The following FAF1 variants were observed in gnomAD, a reference collection of about 807,000 sequenced individuals.
The protein encoded by FAF1 is FAS-associated factor 1.
Under a neutral mutation model 92.5 loss-of-function variants are expected in FAF1, and 25 were observed. The ratio of observed to expected loss-of-function variants is 0.27; its 90% CI spans 0.20 to 0.38. FAF1 has a LOEUF of 0.38. Among genes scored for constraint, FAF1 ranks in the 10% least tolerant of loss-of-function variants. FAF1 has a pLI of 1.00. For missense variants in FAF1, 636 were observed against 793.3 expected (o/e 0.80, Z 2.38); for synonymous variants, 234 against 273.2 (o/e 0.86, Z 1.42).
At chr1:50,674,888 T>G (rs952910458) in intron 7 of FAF1, among the ~76,000 whole-genome samples, 5 of 151,510 alleles carry the variant, frequency 3.3e-5, no homozygotes, top group Admixed American at 1.3e-4. Flanking sequence ...TTTTATTTTA[T>G]TTTATTTTAT....
At chr1:50,593,677 C>A (rs956622958) in intron 9 of FAF1, among the ~76,000 whole-genome samples, 8 of 152,098 alleles carry the variant, frequency 5.3e-5, no homozygotes, top group African/African-American at 1.7e-4. Flanking sequence ...CAGTATAATA[C>A]AGCACAGTCA....
chr1:50,615,153 G>A (rs1006336675), intron 8 of FAF1, among the ~76,000 whole-genome samples: 6 of 152,108 alleles, frequency 3.9e-5, no homozygotes, highest in African/African-American at 7.2e-5. Context: ...TTGTCTGTTC[G>A]TGCATTACTT....
At chr1:50,935,985 T>A (rs1570160278) in intron 1 of FAF1, among the ~76,000 whole-genome samples, 1 of 152,172 alleles carries the variant, frequency 6.6e-6, no homozygotes, top group Non-Finnish European at 1.5e-5. Context: ...TCAGACAGTG[T>A]TAACTAACAA....
At chr1:50,895,943 T>C (rs759551582) in intron 1 of FAF1, among the ~76,000 whole-genome samples, 26 of 152,152 alleles carry the variant, frequency 1.7e-4, no homozygotes, top group Admixed American at 7.9e-4. Flanking sequence ...GCTAGCATCA[T>C]ACTGAATGGT....
intron 7 of FAF1, among the ~76,000 whole-genome samples, chr1:50,691,218 A>G (rs1028243876): frequency 6.6e-6 from 1 of 151,912 alleles, no homozygotes. Flanking sequence ...ATTTCTCAAC[A>G]TCTTTGCCAA....
At position 50,603,578 on chromosome 1, in the gene FAF1, G is replaced by A. The variant is rs149314694; in HGVS notation, c.745-7362C>T. Among the ~76,000 whole-genome samples, 64 of 152,232 alleles carry A rather than the reference G, an allele frequency of 4.2e-4. No individual in the cohort carries two copies. The East Asian group carries it at 7.7e-3, about 18-fold the overall frequency. On this transcript the variant is annotated intron_variant, in intron 8 of 18. Coordinates refer to ENST00000396153, the MANE Select transcript of FAF1 (RefSeq NM_007051.3). ...AATTTCATTTACTGCCAACCAAAGC[G>A]CAACTCTAAAAAGCTTATTTTTATT...
chr1:50,905,160 G>A (rs781768237), intron 1 of FAF1, among the ~76,000 whole-genome samples: 8 of 152,082 alleles, frequency 5.3e-5, no homozygotes, highest in African/African-American at 9.7e-5. Context: ...ATTTGCGATC[G>A]TTTGCTCAGA....
At chr1:50,570,174 A>G (rs1650366278) in intron 12 of FAF1, among the ~76,000 whole-genome samples, 1 of 152,156 alleles carries the variant, frequency 6.6e-6, no homozygotes, top group Admixed American at 6.5e-5. Flanking sequence ...CTCACCACTT[A>G]TTCATTTGGG....
At chr1:50,628,118 T>A (rs566735077) in intron 8 of FAF1, among the ~76,000 whole-genome samples, 1 of 152,078 alleles carries the variant, frequency 6.6e-6, no homozygotes, top group Admixed American at 6.5e-5. Flanking sequence ...TTTCTGTGTG[T>A]GTGTATGCGT....
intron 13 of FAF1, among the ~76,000 whole-genome samples, chr1:50,556,419 A>G (rs1457426822): frequency 6.6e-6 from 1 of 152,044 alleles, no homozygotes; most frequent in Non-Finnish European, 1.5e-5. Flanking sequence ...GGAATGAAAA[A>G]TTACCTATTG....
At chr1:50,612,931 T>C (rs1652745289) in intron 8 of FAF1, among the ~76,000 whole-genome samples, 1 of 152,212 alleles carries the variant, frequency 6.6e-6, no homozygotes, top group Non-Finnish European at 1.5e-5. Context: ...AACTACAACT[T>C]TCATTGTATC....
Position 50,583,181 on chromosome 1 carries a change from A to C in FAF1, c.1031+471T>G, listed in dbSNP as rs1258404248. ...AATTCTCTTTATATTTGAATACCTCAGCAGACTCTCAAATGCATATAAAAT... is the reference window on the plus strand; with the variant it reads ...AATTCTCTTTATATTTGAATACCTCCGCAGACTCTCAAATGCATATAAAAT... On this transcript the variant is annotated intron_variant, in intron 11 of 18. Coordinates refer to ENST00000396153, the MANE Select transcript of FAF1 (RefSeq NM_007051.3). This position sits in a 1 kb window ranked among gnomAD's most constrained non-coding sequence, Gnocchi z 4.2. 6.6e-6 allele frequency among the ~76,000 whole-genome samples: 1 copy of C among 151,858 alleles called. No individual in the cohort carries two copies. The highest frequency in any genetic ancestry group is 2.4e-5 in the African/African-American group (1 of 41,442).
chr1:50,908,529 G>C (rs1644858067), intron 1 of FAF1, among the ~76,000 whole-genome samples: 1 of 152,156 alleles, frequency 6.6e-6, no homozygotes, highest in African/African-American at 2.4e-5. Context: ...AGGTTTCTAA[G>C]GATCTGCTTT....
intron 1 of FAF1, among the ~76,000 whole-genome samples, chr1:50,861,506 C>T (rs767802676): frequency 1.3e-4 from 19 of 151,660 alleles, no homozygotes; most frequent in Non-Finnish European, 2.2e-4. Flanking sequence ...AATGGAGACA[C>T]ATAAACATAC....
At chr1:50,599,144 G>A (rs373244599) in intron 8 of FAF1, among the ~76,000 whole-genome samples, 14 of 152,044 alleles carry the variant, frequency 9.2e-5, no homozygotes, top group African/African-American at 3.4e-4. Flanking sequence ...AGGGAACCTC[G>A]CTCTGTCACC....
intron 4 of FAF1, among the ~76,000 whole-genome samples, chr1:50,757,828 T>G (rs72902726): frequency 1.3e-5 from 2 of 152,166 alleles, no homozygotes; most frequent in African/African-American, 4.8e-5. Flanking sequence ...TTGGGGATTT[T>G]TGAGTATTTT....
intron 7 of FAF1, among the ~76,000 whole-genome samples, chr1:50,681,902 G>C (rs1656443531): frequency 6.6e-6 from 1 of 151,456 alleles, no homozygotes. Flanking sequence ...AGTGCAATCT[G>C]GGCTCATTGC....
At chr1:50,700,352 G>A (rs538758032) in intron 7 of FAF1, among the ~76,000 whole-genome samples, 14 of 152,090 alleles carry the variant, frequency 9.2e-5, no homozygotes, top group African/African-American at 3.4e-4. Context: ...GGAGTCGAAC[G>A]CAGCCCCCGG....
chr1:50,821,877 T>A (rs1473398857), intron 2 of FAF1, among the ~76,000 whole-genome samples: 3 of 152,054 alleles, frequency 2.0e-5, no homozygotes, highest in Non-Finnish European at 4.4e-5. Flanking sequence ...AGAAGTAGAT[T>A]GCAGACAACT....
Sources: allele counts gnomAD v4.1 joint callset (sites outside exome capture counted in the v4.1 genomes callset), GRCh38; gene constraint gnomAD v4.1.1; non-coding constraint Gnocchi (gnomAD v3.1); transcripts MANE v1.5; gene names NCBI Gene and HGNC (gene_info 2026-07-23, HGNC 2026-07-21).